CRMP1: variants seen among roughly 807,000 people sequenced by gnomAD.
CRMP1 encodes dihydropyrimidinase-related protein 1.
Under a neutral mutation model 68.3 loss-of-function variants are expected in CRMP1, and 19 were observed. That is an observed-to-expected ratio of 0.28 (90% confidence interval 0.19 to 0.41). The LOEUF (loss-of-function observed/expected upper bound fraction) is 0.41, where lower values mean the gene tolerates loss of function less well. Among genes scored for constraint, CRMP1 ranks in the 10% least tolerant of loss-of-function variants. The pLI, the probability that CRMP1 is intolerant of heterozygous loss-of-function variation, is 1.00. For synonymous variants in CRMP1, 439 were observed against 399.6 expected (o/e 1.10, Z -1.18); for missense variants, 791 against 967.4 (o/e 0.82, Z 2.42).
In CRMP1 at chr4:5,821,847, G is replaced by A; in HGVS notation, c.1974C>T (p.Ala658=). The A allele has an allele frequency of 6.2e-7, 1 of 1,604,974 alleles. No homozygotes were observed. The highest frequency in any genetic ancestry group is 8.5e-7 in the Non-Finnish European group (1 of 1,177,370). The change falls in exon 14 of 14, where the codon GCC becomes GCT. Residue 658 remains alanine, a synonymous_variant. Transcript: ENST00000324989. This position sits in a 1 kb window ranked among gnomAD's most constrained non-coding sequence, Gnocchi z 4.4. ...LHQSNFSLSG[A]QIDDNNPRRT... ...GCCTGGGATTGTTGTCATCTATCTG[G>A]GCACCTGAAAGAGAGCGCCAATCGC...
rs1715187806 is a variant in CRMP1, at chr4:5,881,031, AC to A, written c.381+11557del. Among the ~76,000 whole-genome samples the A allele has an allele frequency of 6.6e-6, 1 of 151,914 alleles. No individual in the cohort carries two copies. Among genetic ancestry groups the A allele is most frequent in the Admixed American group, 6.6e-5 (1 of 15,260 alleles). ...AGTTACTGAAATTGAAGTGCTCACCACCCCCAGCCCAGGAGGAGGAATCCTT... is the reference window on the plus strand; with the variant it reads ...AGTTACTGAAATTGAAGTGCTCACCACCCCAGCCCAGGAGGAGGAATCCTT... On this transcript the variant is annotated intron_variant, in intron 1 of 13. Coordinates refer to ENST00000324989, the MANE Select transcript of CRMP1 (RefSeq NM_001014809.3). The surrounding 1 kb of genome is among the most constrained non-coding windows in gnomAD (Gnocchi z 4.6).
Position 5,889,495 on chromosome 4 carries a change from C to A in CRMP1, c.381+3094G>T. The A allele has an allele frequency of 6.9e-7, 1 of 1,443,626 alleles. No homozygotes were observed. Among genetic ancestry groups the A allele is most frequent in the Non-Finnish European group, 9.4e-7 (1 of 1,066,540 alleles). 89.4% of individuals were successfully genotyped at this position (1,443,626 alleles called of 1,614,324 possible). A position where few individuals can be genotyped will look rare whatever the true frequency, so the allele number is the denominator to read the frequency against. On this transcript the variant is annotated intron_variant, in intron 1 of 13. Transcript: ENST00000324989. The surrounding 1 kb of genome is among the most constrained non-coding windows in gnomAD (Gnocchi z 4.5). ...GAGGGAGGTGGGCAGGAAGCCAGGT[C>A]ACAGCTTGACAAGGTCCGTAACAGC...
chr4:5,828,149 A>C (rs1310644785), intron 12 of CRMP1: 2 of 985,284 alleles, frequency 2.0e-6, no homozygotes, highest in African/African-American at 3.5e-5. Flanking sequence ...CAAAAGGAGG[A>C]TCACAGCACC....
rs1712958371 is a variant in CRMP1 at position 5,855,230 on chromosome 4, A to AT, written c.820+912dup. 6.6e-6 allele frequency among the ~76,000 whole-genome samples: 1 copy of AT among 152,220 alleles called. No individual in the cohort carries two copies. The highest frequency in any genetic ancestry group is 2.4e-5 in the African/African-American group (1 of 41,524). ...TTGGGGGTAGAACCAGAGGAAAACA[A>AT]TTTTTTTCCTTCCATTTTCTGACTT... is the stretch of plus-strand genomic sequence containing the variant. On this transcript the variant is annotated intron_variant, in intron 4 of 13. Transcript: ENST00000324989. The surrounding 1 kb of genome is among the most constrained non-coding windows in gnomAD (Gnocchi z 4.9).
rs535485976 is a variant in CRMP1, at chr4:5,872,548, G to A, written c.382-5792C>T. Reference sequence around the variant, plus strand: ...CTAAAAATGCAAAAATTAGTTGGGCGTGGTGGCAGGCACCTGTAATCCCAG... The same window carrying A: ...CTAAAAATGCAAAAATTAGTTGGGCATGGTGGCAGGCACCTGTAATCCCAG... On this transcript the variant is annotated intron_variant, in intron 1 of 13. Coordinates refer to ENST00000324989, the MANE Select transcript of CRMP1 (RefSeq NM_001014809.3). The surrounding 1 kb of genome is among the most constrained non-coding windows in gnomAD (Gnocchi z 4.6). Among the ~76,000 whole-genome samples, 300 of 152,252 alleles carry A rather than the reference G, an allele frequency of 2.0e-3. 1 individual carries two copies. Among genetic ancestry groups the A allele is most frequent in the African/African-American group, 6.8e-3 (283 of 41,542 alleles).
In CRMP1 at chr4:5,866,668, T is replaced by G; in HGVS notation, c.470A>C (p.Lys157Thr). 6.2e-7 allele frequency: 1 copy of G among 1,611,450 alleles called. No individual in the cohort carries two copies. Among genetic ancestry groups the G allele is most frequent in the Non-Finnish European group, 8.5e-7 (1 of 1,179,192 alleles). The change falls in exon 2 of 14, where the codon AAA (lysine) becomes ACA (threonine). Residue 157 changes from lysine to threonine, a missense_variant and splice_region_variant. Transcript: ENST00000324989. This position sits in a 1 kb window ranked among gnomAD's most constrained non-coding sequence, Gnocchi z 5.9. ...ADVYLEDGLI[K>T]QIGENLIVPG... is the part of the protein sequence containing the mutation. ...AAAAGGTCCGTTTTGATCAACCCAC[T>G]TGATAAGTCCATCCTCCAGGTAGAC... is the stretch of plus-strand genomic sequence containing the variant.
At chr4:5,832,539 T>C (rs760828422) in intron 11 of CRMP1, among the ~76,000 whole-genome samples, 6 of 152,194 alleles carry the variant, frequency 3.9e-5, no homozygotes, top group Non-Finnish European at 7.4e-5. Context: ...TTTTAAAACA[T>C]ATAAAAACAA....
chr4:5,840,332 C>T (rs926870321), intron 8 of CRMP1, among the ~76,000 whole-genome samples: 12 of 152,204 alleles, frequency 7.9e-5, no homozygotes, highest in Non-Finnish European at 1.5e-4. Context: ...GTCGGCCTGG[C>T]GGGCTTCTTC....
intron 1 of CRMP1, among the ~76,000 whole-genome samples, chr4:5,878,671 G>A (rs1040182127): frequency 3.9e-5 from 6 of 152,106 alleles, no homozygotes; most frequent in African/African-American, 1.2e-4. Flanking sequence ...AGGCTCTAAC[G>A]TGGCCCCACA....
chr4:5,892,718 C>CGTGTCCTCGCTGCCT lies in CRMP1; in HGVS notation c.237_251dup (p.Gly80_Thr84dup). 8.1e-7 allele frequency: 1 copy of CGTGTCCTCGCTGCCT among 1,229,478 alleles called. No individual in the cohort carries two copies. Among genetic ancestry groups the CGTGTCCTCGCTGCCT allele is most frequent in the Non-Finnish European group, 1.0e-6 (1 of 985,662 alleles). The allele number at this position is 1,229,478 out of a possible 1,614,324, so 76.2% of individuals were successfully genotyped here. ...CCGAGGGCTCGCTCACGTCGCTGGCCGTGTCCTCGCTGCCTCCCGGCCCTG... is the reference window on the plus strand; with the variant it reads ...CCGAGGGCTCGCTCACGTCGCTGGCCGTGTCCTCGCTGCCTGTGTCCTCGCTGCCTCCCGGCCCTG... On this transcript the variant is annotated inframe_insertion, in exon 1 of 14. Coordinates refer to ENST00000324989, the MANE Select transcript of CRMP1 (RefSeq NM_001014809.3). This position sits in a 1 kb window ranked among gnomAD's most constrained non-coding sequence, Gnocchi z 8.6.
Position 5,892,832 on chromosome 4 carries a change from CT to C in CRMP1, c.137del (p.Lys46ArgfsTer43). The C allele has an allele frequency of 7.1e-7, 1 of 1,415,556 alleles. No individual in the cohort carries two copies. Among genetic ancestry groups the C allele is most frequent in the Non-Finnish European group, 9.3e-7 (1 of 1,073,224 alleles). 87.7% of individuals were successfully genotyped at this position (1,415,556 alleles called of 1,614,324 possible). On this transcript the variant is annotated frameshift_variant, in exon 1 of 14. Coordinates refer to ENST00000324989, the MANE Select transcript of CRMP1 (RefSeq NM_001014809.3). LOFTEE classifies it high-confidence loss of function. This position sits in a 1 kb window ranked among gnomAD's most constrained non-coding sequence, Gnocchi z 8.6. ...CACTGTAGGCGTCGAAGTCGATGGT[CT>C]TGTTCTCGTAGGCGCCCTCCACCGC... ...FAAVEGAYENKTIDFDAYSVG... is the reference protein window; with the variant it reads ...FAAVEGAYENXTIDFDAYSVG...
Position 5,858,414 on chromosome 4 carries a change from G to A in CRMP1, c.656-2107C>T, listed in dbSNP as rs1221437026. On this transcript the variant is annotated intron_variant, in intron 3 of 13. Transcript: ENST00000324989. This position sits in a 1 kb window ranked among gnomAD's most constrained non-coding sequence, Gnocchi z 5.5. ...CCTCATGCAATACTCTCCCCACCCC[G>A]ACCCCAGCTGTGGTGGACATCACCA... 6.7e-6 allele frequency among the ~76,000 whole-genome samples: 1 copy of A among 149,364 alleles called. No individual in the cohort carries two copies. Among genetic ancestry groups the A allele is most frequent in the Non-Finnish European group, 1.5e-5 (1 of 67,644 alleles).
rs10574195 is a variant in CRMP1, at chr4:5,859,068, TCA to T, written c.655+1956_655+1957del. The stretch of plus-strand genomic sequence containing the variant: ...GTGTACCCTTCTTTTGTAGCAGGAG[TCA>T]CAGTTTCTAGTCATACATGTGGACG... On this transcript the variant is annotated intron_variant, in intron 3 of 13. Coordinates refer to ENST00000324989, the MANE Select transcript of CRMP1 (RefSeq NM_001014809.3). This position sits in a 1 kb window ranked among gnomAD's most constrained non-coding sequence, Gnocchi z 5.2. 0.2 allele frequency among the ~76,000 whole-genome samples: 30,383 copies of T among 151,884 alleles called. 3,213 individuals carry two copies. Among genetic ancestry groups the T allele is most frequent in the African/African-American group, 0.25 (10,278 of 41,418 alleles).
In CRMP1 at chr4:5,891,636, T is replaced by C. The variant is rs1310260868; in HGVS notation, c.381+953A>G. Among the ~76,000 whole-genome samples, 2 of 152,150 alleles carry C rather than the reference T, an allele frequency of 1.3e-5. No homozygotes were observed. The highest frequency in any genetic ancestry group is 4.8e-5 in the African/African-American group (2 of 41,448). ...CCCTGGGCCTGGCACCTAGCAGTTCTCCGGCATCCAGGTCTGGACCAATTC... is the reference window on the plus strand; with the variant it reads ...CCCTGGGCCTGGCACCTAGCAGTTCCCCGGCATCCAGGTCTGGACCAATTC... On this transcript the variant is annotated intron_variant, in intron 1 of 13. Coordinates refer to ENST00000324989, the MANE Select transcript of CRMP1 (RefSeq NM_001014809.3). This position sits in a 1 kb window ranked among gnomAD's most constrained non-coding sequence, Gnocchi z 5.2.
intron 12 of CRMP1, chr4:5,826,826 C>G (rs565666981): frequency 6.6e-6 from 1 of 152,622 alleles, no homozygotes; most frequent in South Asian, 2.1e-4. Flanking sequence ...TGACCCCCAG[C>G]TCTGGGCTCC....
chr4:5,849,455 G>A lies in CRMP1; in HGVS notation c.900C>T (p.Thr300=), dbSNP rs767628100. The A allele has an allele frequency of 2.2e-5, 35 of 1,613,204 alleles. 1 individual carries two copies. Among genetic ancestry groups the A allele is most frequent in the Middle Eastern group, 3.3e-4 (2 of 6,074 alleles). The stretch of plus-strand genomic sequence containing the variant: ...TCACAGCTCCCAGGCCCTTAAGGAA[G>A]GTAAAGGCTTCATAGAGCTATGGAG... ...MSDSQLYEAF[T]FLKGLGAVIL... The change falls in exon 6 of 14, where the codon ACC becomes ACT. Residue 300 remains threonine (T), a synonymous_variant. Coordinates refer to ENST00000324989, the MANE Select transcript of CRMP1 (RefSeq NM_001014809.3).
chr4:5,828,233 T>C (rs1173146054), intron 12 of CRMP1: 1 of 985,276 alleles, frequency 1.0e-6, no homozygotes, highest in African/African-American at 1.7e-5. Context: ...GTCCCTCCCA[T>C]GATCCACCCA....
Position 5,891,948 on chromosome 4 carries a change from G to A in CRMP1, c.381+641C>T, listed in dbSNP as rs932913374. Among the ~76,000 whole-genome samples, 1 of 152,188 alleles carries A rather than the reference G, an allele frequency of 6.6e-6. No homozygotes were observed. The highest frequency in any genetic ancestry group is 2.4e-5 in the African/African-American group (1 of 41,452). ...CAGGCACATCGGTGTGTGCTGTGGA[G>A]CTCAGGAGTGCCCCTTGAATCTACT... On this transcript the variant is annotated intron_variant, in intron 1 of 13. Transcript: ENST00000324989. This position sits in a 1 kb window ranked among gnomAD's most constrained non-coding sequence, Gnocchi z 5.2.
At chr4:5,836,220 G>T in intron 10 of CRMP1, 135 bp from the exon 11 acceptor site, 1 of 733,328 alleles carries the variant, frequency 1.4e-6, no homozygotes. Context: ...CTAAAAACGT[G>T]CCATCATCAA....
Sources: gnomAD v4.1 joint callset for allele counts (sites outside exome capture counted in the v4.1 genomes callset) on GRCh38, gnomAD v4.1.1 for gene constraint, Gnocchi (gnomAD v3.1) non-coding constraint, MANE v1.5 for transcripts, NCBI Gene and HGNC (gene_info 2026-07-23, HGNC 2026-07-21) for gene names.